The following AKAP13 variants were observed in gnomAD, a reference collection of about 807,000 sequenced individuals.
AKAP13 encodes the protein A-kinase anchoring protein 13.
Under a neutral mutation model 264.5 loss-of-function variants are expected in AKAP13, and 80 were observed. That is an observed-to-expected ratio of 0.30 (90% CI 0.25 to 0.36). The LOEUF is 0.36. Among genes scored for constraint, AKAP13 ranks in the 10% least tolerant of loss-of-function variants. The pLI is 1.00. For missense variants in AKAP13, 3,712 were observed against 3,435.2 expected, an observed-to-expected ratio of 1.08 and a Z score of -2.01; for synonymous variants, 1,380 against 1,250.2, an observed-to-expected ratio of 1.10 and a Z score of -2.19.
At chr15:85,621,827 G>A (rs2081203218) in intron 8 of AKAP13, among the ~76,000 whole-genome samples, 1 of 152,082 alleles carries the variant, frequency 6.6e-6, no homozygotes, top group Non-Finnish European at 1.5e-5. Context: ...ACAAGAATGT[G>A]GTTTTTTGTT....
chr15:85,496,624 C>T (rs2075879846), intron 2 of AKAP13, among the ~76,000 whole-genome samples: 1 of 152,144 alleles, frequency 6.6e-6, no homozygotes, highest in Admixed American at 6.5e-5. Flanking sequence ...ATCGTTCTTC[C>T]TAGGAAATGC....
chr15:85,463,591 A>G (rs1242464480), intron 1 of AKAP13, among the ~76,000 whole-genome samples: 2 of 152,228 alleles, frequency 1.3e-5, no homozygotes, highest in African/African-American at 4.8e-5. Context: ...GGAGATCTGT[A>G]GTGAACACTG....
At chr15:85,583,087 T>G (rs2079191226) in intron 7 of AKAP13, 2 of 985,500 alleles carry the variant, frequency 2.0e-6, no homozygotes, top group Non-Finnish European at 2.4e-6. Context: ...GTCAGTTTGA[T>G]GCACACTTCT....
At chr15:85,627,294 C>G (rs535484589) in intron 8 of AKAP13, among the ~76,000 whole-genome samples, 2 of 152,262 alleles carry the variant, frequency 1.3e-5, no homozygotes, top group South Asian at 4.1e-4. Context: ...CTTCTTCCCT[C>G]TAGATTTCCT....
chr15:85,610,413 A>G (rs192854816), intron 8 of AKAP13, among the ~76,000 whole-genome samples: 3 of 152,284 alleles, frequency 2.0e-5, no homozygotes, highest in Admixed American at 2.0e-4. Context: ...CGTGTATTCA[A>G]GTGTTCTATT....
At chr15:85,459,898 A>G (rs984079018) in intron 1 of AKAP13, among the ~76,000 whole-genome samples, 3 of 152,136 alleles carry the variant, frequency 2.0e-5, no homozygotes, top group Non-Finnish European at 2.9e-5. Context: ...TTGGATCACT[A>G]AGTTCTAGCC....
In AKAP13 at chr15:85,523,405, G is replaced by T. The variant is rs563553872; in HGVS notation, c.181+1830G>T. On this transcript the variant is annotated intron_variant, in intron 3 of 36. Transcript: ENST00000394518. ...AAACTTCTTTAAATCTGCCTTTGTG[G>T]ACTTAGACTTGTGTGTTCCCTTCCT... is the stretch of plus-strand genomic sequence containing the variant. Among the ~76,000 whole-genome samples, 3 of 152,160 alleles carry T rather than the reference G, an allele frequency of 2.0e-5. No individual in the cohort carries two copies. In the South Asian group the frequency reaches 6.2e-4, roughly 32 times the overall value.
chr15:85,602,077 C>T (rs1227955112), intron 8 of AKAP13, among the ~76,000 whole-genome samples: 1 of 151,810 alleles, frequency 6.6e-6, no homozygotes, highest in Non-Finnish European at 1.5e-5. Context: ...GGAGAACTAC[C>T]TTAATAGTTT....
intron 2 of AKAP13, among the ~76,000 whole-genome samples, chr15:85,512,174 T>C (rs953525736): frequency 8.5e-5 from 13 of 152,242 alleles, no homozygotes; most frequent in Admixed American, 1.3e-4. Flanking sequence ...TAATGCTAGA[T>C]GGGCCTTGTG....
At chr15:85,619,389 A>T in intron 8 of AKAP13, 1 of 984,908 alleles carries the variant, frequency 1.0e-6, no homozygotes, top group Non-Finnish European at 1.2e-6. Context: ...GTGGTCTTTT[A>T]TTTTTTTCCC....
At chr15:85,499,226 T>G (rs563862998) in intron 2 of AKAP13, among the ~76,000 whole-genome samples, 1 of 152,338 alleles carries the variant, frequency 6.6e-6, no homozygotes, top group East Asian at 1.9e-4. Context: ...CAGGGTTGGG[T>G]ATCTCTTTGT....
intron 10 of AKAP13, among the ~76,000 whole-genome samples, chr15:85,650,628 C>G (rs1401407123): frequency 6.6e-6 from 1 of 150,654 alleles, no homozygotes; most frequent in African/African-American, 2.4e-5. Flanking sequence ...TGGTGGCAGG[C>G]GCCTGTAATC....
At chr15:85,738,666 G>T (rs1044782844) in intron 33 of AKAP13, among the ~76,000 whole-genome samples, 1 of 151,362 alleles carries the variant, frequency 6.6e-6, no homozygotes, top group African/African-American at 2.4e-5. Context: ...GTGAAACCCC[G>T]TCTCTACTAA....
intron 17 of AKAP13, 71 bp from the exon 18 acceptor site, chr15:85,707,948 C>A: frequency 6.7e-7 from 1 of 1,499,928 alleles, no homozygotes; most frequent in Non-Finnish European, 9.3e-7. Flanking sequence ...CCACTTGTGG[C>A]AGCAGTGGAA....
chr15:85,418,064 T>TATC (rs1051236580), intron 1 of AKAP13, among the ~76,000 whole-genome samples: 4 of 125,494 alleles, frequency 3.2e-5, no homozygotes, highest in Admixed American at 7.9e-5. Flanking sequence ...TTATTATTAT[T>TATC]ATCATTATTA....
At chr15:85,639,338 C>T (rs757060440) in intron 8 of AKAP13, 36 bp from the exon 9 acceptor site, 13 of 1,448,646 alleles carry the variant, frequency 9.0e-6, no homozygotes, top group South Asian at 8.0e-5. Flanking sequence ...CACATTACTT[C>T]AATGTCTGAA....
chr15:85,594,244 T>G (rs1213110824), intron 8 of AKAP13, among the ~76,000 whole-genome samples: 3 of 152,220 alleles, frequency 2.0e-5, no homozygotes, highest in Non-Finnish European at 4.4e-5. Context: ...AGTACTCAGT[T>G]CAACAAATGT....
intron 8 of AKAP13, among the ~76,000 whole-genome samples, chr15:85,595,290 G>C (rs537731453): frequency 6.6e-6 from 1 of 151,984 alleles, no homozygotes; most frequent in African/African-American, 2.4e-5. Context: ...GTAGAGACAC[G>C]GTCTCCACAA....
chr15:85,568,986 T>A (rs1020107523), intron 5 of AKAP13, among the ~76,000 whole-genome samples: 1 of 152,114 alleles, frequency 6.6e-6, no homozygotes, highest in Non-Finnish European at 1.5e-5. Context: ...CTGTAGGATT[T>A]GAAATAAGGA....
Sources: gnomAD v4.1 joint callset for allele counts (sites outside exome capture counted in the v4.1 genomes callset) on GRCh38, gnomAD v4.1.1 for gene constraint, MANE v1.5 for transcripts, NCBI Gene and HGNC (gene_info 2026-07-23, HGNC 2026-07-21) for gene names.